The following CNTNAP2 variants were observed in gnomAD, a reference collection of about 807,000 sequenced individuals.
The protein encoded by CNTNAP2 is contactin associated protein 2.
CNTNAP2 carries 98 observed loss-of-function variants against 155.2 expected under a neutral mutation model. That is an observed-to-expected ratio of 0.63 (90% CI 0.54 to 0.75). CNTNAP2 has a LOEUF of 0.75. CNTNAP2 is among the 30% of genes least tolerant of loss of function. CNTNAP2 has a pLI of 0.00. For synonymous variants in CNTNAP2, 651 were observed against 631.2 expected, an observed-to-expected ratio of 1.03 and a Z score of -0.47; for missense variants, 1,727 against 1,688.1, an observed-to-expected ratio of 1.02 and a Z score of -0.40.
rs562385803 is a variant in CNTNAP2, at chr7:148,196,655, G to A, written c.3011-20633G>A. ...CCATTTTACTAACATGAAAACTGAGGCATTGATAAATTAAGTAGCTTGCTC... is the reference window on the plus strand; with the variant it reads ...CCATTTTACTAACATGAAAACTGAGACATTGATAAATTAAGTAGCTTGCTC... On this transcript the variant is annotated intron_variant, in intron 18 of 23. Coordinates refer to ENST00000361727, the MANE Select transcript of CNTNAP2 (RefSeq NM_014141.6). Among the ~76,000 whole-genome samples the A allele has an allele frequency of 5.5e-4, 84 of 152,256 alleles. 3 individuals carry two copies. The highest frequency in any genetic ancestry group is 3.3e-3 in the Admixed American group (50 of 15,298).
intron 14 of CNTNAP2, among the ~76,000 whole-genome samples, chr7:147,914,558 A>AC: frequency 6.6e-6 from 1 of 151,226 alleles, no homozygotes; most frequent in Non-Finnish European, 1.5e-5. Flanking sequence ...AAAAAAAAAA[A>AC]GAAAGAAAAA....
intron 8 of CNTNAP2, among the ~76,000 whole-genome samples, chr7:147,290,378 A>C (rs908347542): frequency 6.6e-6 from 1 of 152,094 alleles, no homozygotes; most frequent in Non-Finnish European, 1.5e-5. Flanking sequence ...CAAAAGCACC[A>C]AAGTATAAAA....
At chr7:147,228,817 C>T (rs941622436) in intron 8 of CNTNAP2, among the ~76,000 whole-genome samples, 4 of 151,946 alleles carry the variant, frequency 2.6e-5, no homozygotes, top group African/African-American at 9.7e-5. Context: ...GTCCCCCACC[C>T]CCCAACAGGC....
intron 1 of CNTNAP2, among the ~76,000 whole-genome samples, chr7:146,129,289 C>A (rs911005375): frequency 1.3e-5 from 2 of 151,990 alleles, no homozygotes; most frequent in African/African-American, 2.4e-5. Flanking sequence ...GACATTGTTT[C>A]TTTTATCAAA....
chr7:147,811,512 G>A (rs976290049), intron 13 of CNTNAP2, among the ~76,000 whole-genome samples: 4 of 152,094 alleles, frequency 2.6e-5, no homozygotes, highest in Non-Finnish European at 2.9e-5. Flanking sequence ...TAATATTACC[G>A]ATGTTTGGCT....
intron 8 of CNTNAP2, among the ~76,000 whole-genome samples, chr7:147,216,614 C>G (rs1603449): frequency 0.32 from 47,912 of 151,822 alleles, 8,321 homozygotes; most frequent in East Asian, 0.72. Context: ...CAGATAATAT[C>G]AAAGCTTCAA....
intron 16 of CNTNAP2, among the ~76,000 whole-genome samples, chr7:148,121,025 C>G (rs772566306): frequency 6.6e-6 from 1 of 151,924 alleles, no homozygotes; most frequent in Admixed American, 6.6e-5. Flanking sequence ...ATCAATCACA[C>G]TTTTTCTTTA....
intron 15 of CNTNAP2, among the ~76,000 whole-genome samples, chr7:148,116,125 C>T (rs912844044): frequency 3.4e-5 from 5 of 147,360 alleles, no homozygotes; most frequent in African/African-American, 7.6e-5. Flanking sequence ...GGCCACAGAG[C>T]GAGACTCTGT....
At chr7:146,917,829 A>G (rs1049599766) in intron 3 of CNTNAP2, among the ~76,000 whole-genome samples, 4 of 152,072 alleles carry the variant, frequency 2.6e-5, no homozygotes, top group Non-Finnish European at 5.9e-5. Flanking sequence ...GCTTTCCACC[A>G]TGATTGTGAG....
intron 1 of CNTNAP2, among the ~76,000 whole-genome samples, chr7:146,463,126 C>T (rs1406360330): frequency 6.6e-6 from 1 of 151,952 alleles, no homozygotes; most frequent in African/African-American, 2.4e-5. Flanking sequence ...GAAAATAAAA[C>T]TGGAAATAAA....
chr7:146,269,059 G>A (rs1347868711), intron 1 of CNTNAP2, among the ~76,000 whole-genome samples: 3 of 152,108 alleles, frequency 2.0e-5, no homozygotes, highest in Admixed American at 6.6e-5. Context: ...ATAAGAGGGT[G>A]GGCCAGGTGG....
chr7:148,036,847 T>C (rs796887295), intron 15 of CNTNAP2, among the ~76,000 whole-genome samples: 6 of 152,248 alleles, frequency 3.9e-5, no homozygotes, highest in African/African-American at 1.4e-4. Flanking sequence ...AATCTCAAAG[T>C]TCCACAGAGT....
intron 4 of CNTNAP2, among the ~76,000 whole-genome samples, chr7:147,069,235 G>A (rs1383522952): frequency 6.6e-6 from 1 of 152,180 alleles, no homozygotes; most frequent in Admixed American, 6.5e-5. Flanking sequence ...GAATGGCAGG[G>A]TAGGGGGAGA....
intron 13 of CNTNAP2, among the ~76,000 whole-genome samples, chr7:147,813,955 A>T (rs756115953): frequency 6.6e-6 from 1 of 152,170 alleles, no homozygotes; most frequent in Non-Finnish European, 1.5e-5. Flanking sequence ...GTGACTAAAA[A>T]GTCGACAAGC....
chr7:148,209,210 C>T (rs62473475), intron 18 of CNTNAP2, among the ~76,000 whole-genome samples: 55,978 of 151,640 alleles, frequency 0.37, 11,881 homozygotes, highest in Non-Finnish European at 0.49. Context: ...CTTGCAGCCC[C>T]GACCTCCTGC....
At chr7:146,345,563 C>T (rs73465959) in intron 1 of CNTNAP2, among the ~76,000 whole-genome samples, 4,168 of 152,156 alleles carry the variant, frequency 0.027, 209 homozygotes, top group African/African-American at 0.094. Flanking sequence ...ATTCTTACAC[C>T]CACACAAAAC....
intron 2 of CNTNAP2, among the ~76,000 whole-genome samples, chr7:146,805,128 ATAGTGTT>A (rs1307313748): frequency 6.6e-6 from 1 of 152,126 alleles, no homozygotes; most frequent in East Asian, 1.9e-4. Flanking sequence ...GAAAGGAATC[ATAGTGTT>A]TGGGGTCTTA....
chr7:146,527,496 T>C (rs1797707963), intron 1 of CNTNAP2, among the ~76,000 whole-genome samples: 1 of 150,094 alleles, frequency 6.7e-6, no homozygotes, highest in South Asian at 2.1e-4. Flanking sequence ...CAATGTCATA[T>C]GTCTGGAATT....
At chr7:147,780,001 A>G (rs1478965525) in intron 13 of CNTNAP2, among the ~76,000 whole-genome samples, 1 of 152,198 alleles carries the variant, frequency 6.6e-6, no homozygotes, top group Non-Finnish European at 1.5e-5. Context: ...CTATTTCCTT[A>G]TGCCACAAAA....
Sources: gnomAD v4.1 joint callset for allele counts (sites outside exome capture counted in the v4.1 genomes callset) on GRCh38, gnomAD v4.1.1 for gene constraint, MANE v1.5 for transcripts, NCBI Gene and HGNC (gene_info 2026-07-23, HGNC 2026-07-21) for gene names.